Variants in PPP1R3D observed in about 807,000 individuals in gnomAD.
The protein encoded by PPP1R3D is protein phosphatase 1 regulatory subunit 3D, also known as PP1 subunit R6.
A neutral mutation model predicts 16.3 loss-of-function variants in PPP1R3D; 27 were observed. The observed-to-expected ratio is 1.66, with a 90% CI of 1.22 to 2.29. The LOEUF is 2.29. Among genes scored for constraint, PPP1R3D ranks in the 30% most tolerant of loss-of-function variants. The probability of loss-of-function intolerance (pLI) is 0.00; values close to 1 mark genes in which losing one functional copy is unlikely to be tolerated. For synonymous variants in PPP1R3D, 223 were observed against 209.7 expected, an observed-to-expected ratio of 1.06 and a Z score of -0.55; for missense variants, 472 against 438.3, an observed-to-expected ratio of 1.08 and a Z score of -0.69.
rs562273810 is a variant in PPP1R3D, at chr20:59,938,885, A to G, written c.*147T>C. On this transcript the variant is annotated 3_prime_UTR_variant, in exon 1 of 1. Transcript: ENST00000370996. ...TTTCAAGTAGAAGACAGGATGGGCC[A>G]CTGCCAGGGGACCTTGCAGCAGAAA... 2 of 716,326 alleles carry G rather than the reference A, an allele frequency of 2.8e-6. No individual in the cohort carries two copies. The highest frequency in any genetic ancestry group is 1.8e-5 in the African/African-American group (1 of 55,938). 44.4% of individuals were successfully genotyped at this position (716,326 alleles called of 1,614,324 possible).
chr20:59,939,208 C>T lies in PPP1R3D; in HGVS notation c.724G>A (p.Val242Ile). The T allele has an allele frequency of 1.2e-6, 2 of 1,610,548 alleles. No individual in the cohort carries two copies. Among genetic ancestry groups the T allele is most frequent in the Non-Finnish European group, 1.7e-6 (2 of 1,177,854 alleles). ...TEDVFTFGFP[V>I]PPFLLELGSR... The stretch of plus-strand genomic sequence containing the variant: ...CCGAGCTCCAGCAGGAAGGGCGGTA[C>T]TGGAAAGCCGAAGGTGAAAACGTCC... Residue 242 changes from valine (V) to isoleucine (I), a missense_variant, in exon 1 of 1, where the codon GTA becomes ATA. By Grantham distance (29) the Val-to-Ile change is conservative. Coordinates refer to ENST00000370996, the MANE Select transcript of PPP1R3D (RefSeq NM_006242.4).
chr20:59,938,981 AG>A lies in PPP1R3D; in HGVS notation c.*50del, dbSNP rs765255477. Reference sequence around the variant, plus strand: ...TGTGAGAGCCCAGCAGGGAAATGACAGGAGGCGCAGCTTAGGTGTGGAGGCT... The same window carrying A: ...TGTGAGAGCCCAGCAGGGAAATGACAGAGGCGCAGCTTAGGTGTGGAGGCT... On this transcript the variant is annotated 3_prime_UTR_variant, in exon 1 of 1. Coordinates refer to ENST00000370996, the MANE Select transcript of PPP1R3D (RefSeq NM_006242.4). The A allele has an allele frequency of 6.9e-7, 1 of 1,444,164 alleles. No individual in the cohort carries two copies. Among genetic ancestry groups the A allele is most frequent in the Non-Finnish European group, 9.1e-7 (1 of 1,098,126 alleles). The allele number at this position is 1,444,164 out of a possible 1,614,324, so 89.5% of individuals were successfully genotyped here. A position where few individuals can be genotyped will look rare whatever the true frequency, so the allele number is the denominator to read the frequency against.
Position 59,938,906 on chromosome 20 carries a change from A to T in PPP1R3D, c.*126T>A. 6.4e-6 allele frequency: 6 copies of T among 935,796 alleles called. No homozygotes were observed. The highest frequency in any genetic ancestry group is 7.4e-6 in the Non-Finnish European group (5 of 678,320). 58.0% of individuals were successfully genotyped at this position (935,796 alleles called of 1,614,324 possible). A position where few individuals can be genotyped will look rare whatever the true frequency, so the allele number is the denominator to read the frequency against. On this transcript the variant is annotated 3_prime_UTR_variant, in exon 1 of 1. Coordinates refer to ENST00000370996, the MANE Select transcript of PPP1R3D (RefSeq NM_006242.4). ...GGCCACTGCCAGGGGACCTTGCAGC[A>T]GAAAATTAGGTCAGAGGACTTGGAG...
rs1262329529 is a variant in PPP1R3D at position 59,939,730 on chromosome 20, T to C, written c.202A>G (p.Ile68Val). 2.0e-5 allele frequency: 25 copies of C among 1,256,064 alleles called. No individual in the cohort carries two copies. The highest frequency in any genetic ancestry group is 2.4e-5 in the Non-Finnish European group (24 of 1,003,126). The allele number at this position is 1,256,064 out of a possible 1,614,324, so 77.8% of individuals were successfully genotyped here. ...GGCAGTGAGCGCGCCCGCCGCAGGA[T>C]GATGGGCCGCAGGCGGGGGTCGCAG... ...SGCDPRLRPI[I>V]LRRARSLPSS... The change falls in exon 1 of 1, where the codon ATC (isoleucine) becomes GTC (valine). Residue 68 changes from isoleucine (I) to valine (V), a missense_variant. Coordinates refer to ENST00000370996, the MANE Select transcript of PPP1R3D (RefSeq NM_006242.4).
chr20:59,936,680 A>C lies in PPP1R3D; in HGVS notation c.*2352T>G, dbSNP rs2060864187. 1 of 152,360 alleles carries C rather than the reference A, an allele frequency of 6.6e-6. No individual in the cohort carries two copies. Among genetic ancestry groups the C allele is most frequent in the South Asian group, 2.1e-4 (1 of 4,826 alleles). The allele number at this position is 152,360 out of a possible 1,614,324, so 9.4% of individuals were successfully genotyped here. A position where few individuals can be genotyped will look rare whatever the true frequency, so the allele number is the denominator to read the frequency against. ...ACTGACGCTGAGGCACAATGACAAA[A>C]TTTATTTTTGCCAAGGCTCTACGTT... On this transcript the variant is annotated 3_prime_UTR_variant, in exon 1 of 1. Coordinates refer to ENST00000370996, the MANE Select transcript of PPP1R3D (RefSeq NM_006242.4).
rs1315207066 is a variant in PPP1R3D, at chr20:59,939,607, G to A, written c.325C>T (p.Leu109=). 6.3e-7 allele frequency: 1 copy of A among 1,592,848 alleles called. No individual in the cohort carries two copies. The highest frequency in any genetic ancestry group is 8.5e-7 in the Non-Finnish European group (1 of 1,171,066). The change falls in exon 1 of 1, where the codon CTG becomes TTG. Residue 109 remains leucine (L), a synonymous_variant. Transcript: ENST00000370996. ...TTGACCTGTGCCAGCTCCAAGCCCA[G>A]GGCGTCGGCGAAGCGCACGCGGAGC... The part of the protein sequence containing the change: ...QKLRVRFADA[L]GLELAQVKVF...
chr20:59,938,275 G>C lies in PPP1R3D; in HGVS notation c.*757C>G, dbSNP rs550305155. 1 of 152,252 alleles carries C rather than the reference G, an allele frequency of 6.6e-6. No homozygotes were observed. Among genetic ancestry groups the C allele is most frequent in the Non-Finnish European group, 1.5e-5 (1 of 68,050 alleles). The allele number at this position is 152,252 out of a possible 1,614,324, so 9.4% of individuals were successfully genotyped here. A position where few individuals can be genotyped will look rare whatever the true frequency, so the allele number is the denominator to read the frequency against. ...ACATGAAATCAGAATTGTGAATGCA[G>C]AGAAATAACTGTTTTGCTAGTTTAA... On this transcript the variant is annotated 3_prime_UTR_variant, in exon 1 of 1. Transcript: ENST00000370996.
At position 59,937,088 on chromosome 20, in the gene PPP1R3D, A is replaced by G. The variant is rs2060867114; in HGVS notation, c.*1944T>C. 1 of 152,644 alleles carries G rather than the reference A, an allele frequency of 6.6e-6. No individual in the cohort carries two copies. The highest frequency in any genetic ancestry group is 2.1e-4 in the South Asian group (1 of 4,830). 9.5% of individuals were successfully genotyped at this position (152,644 alleles called of 1,614,324 possible). A position where few individuals can be genotyped will look rare whatever the true frequency, so the allele number is the denominator to read the frequency against. ...TTAAAAGGCACGGGAGGTTCACTTAATATTAAATATATAACATTCACTTTC... is the reference window on the plus strand; with the variant it reads ...TTAAAAGGCACGGGAGGTTCACTTAGTATTAAATATATAACATTCACTTTC... On this transcript the variant is annotated 3_prime_UTR_variant, in exon 1 of 1. Coordinates refer to ENST00000370996, the MANE Select transcript of PPP1R3D (RefSeq NM_006242.4).
In PPP1R3D at chr20:59,939,995, T is replaced by G; in HGVS notation, c.-64A>C. 7.4e-6 allele frequency: 9 copies of G among 1,212,842 alleles called. No homozygotes were observed. The highest frequency in any genetic ancestry group is 9.4e-6 in the Non-Finnish European group (9 of 958,306). The allele number at this position is 1,212,842 out of a possible 1,614,324, so 75.1% of individuals were successfully genotyped here. On this transcript the variant is annotated 5_prime_UTR_variant, in exon 1 of 1. Coordinates refer to ENST00000370996, the MANE Select transcript of PPP1R3D (RefSeq NM_006242.4). ...GACGACCTCCCGACCCCGCGACAGC[T>G]CCCTCCGTGCTCAGAAGCCGCAGAG...
At position 59,940,043 on chromosome 20, in the gene PPP1R3D, C is replaced by CG. The variant is rs1257758803; in HGVS notation, c.-113dup. ...GAGAGTCCACCGTATCTGCAACCTG[C>CG]GGGGGACCTCTCGGGCCCGGTGCGC... On this transcript the variant is annotated 5_prime_UTR_variant, in exon 1 of 1. Coordinates refer to ENST00000370996, the MANE Select transcript of PPP1R3D (RefSeq NM_006242.4). The CG allele has an allele frequency of 7.5e-6, 7 of 938,378 alleles. No homozygotes were observed. The South Asian group carries it at 2.9e-4, about 38-fold the overall frequency. 58.1% of individuals were successfully genotyped at this position (938,378 alleles called of 1,614,324 possible). A position where few individuals can be genotyped will look rare whatever the true frequency, so the allele number is the denominator to read the frequency against.
In PPP1R3D at chr20:59,940,097, C is replaced by T; in HGVS notation, c.-166G>A. ...ACCCTTGGTTCGCCACCTTGCTCCT[C>T]GAGTCCTTGTCCAGGTCCTCCGCTT... is the stretch of plus-strand genomic sequence containing the variant. On this transcript the variant is annotated 5_prime_UTR_variant, in exon 1 of 1. Transcript: ENST00000370996. 1 of 462,956 alleles carries T rather than the reference C, an allele frequency of 2.2e-6. No homozygotes were observed. Among genetic ancestry groups the T allele is most frequent in the Non-Finnish European group, 3.7e-6 (1 of 273,348 alleles). 28.7% of individuals were successfully genotyped at this position (462,956 alleles called of 1,614,324 possible).
In PPP1R3D at chr20:59,940,305, T is replaced by A; in HGVS notation, c.-374A>T. ...CGGTCCGCGGCGTTACTTACAAGGCTGCAACTTGACCGGGTGCAACTTCCT... is the reference window on the plus strand; with the variant it reads ...CGGTCCGCGGCGTTACTTACAAGGCAGCAACTTGACCGGGTGCAACTTCCT... On this transcript the variant is annotated 5_prime_UTR_variant, in exon 1 of 1. Transcript: ENST00000370996. The A allele has an allele frequency of 5.8e-6, 1 of 172,240 alleles. No individual in the cohort carries two copies. Among genetic ancestry groups the A allele is most frequent in the Non-Finnish European group, 1.4e-5 (1 of 73,224 alleles). 10.7% of individuals were successfully genotyped at this position (172,240 alleles called of 1,614,324 possible). A position where few individuals can be genotyped will look rare whatever the true frequency, so the allele number is the denominator to read the frequency against.
chr20:59,939,532 G>T lies in PPP1R3D; in HGVS notation c.400C>A (p.Arg134=). ...DPSVPLHVLS[R]LAINSDLCCS... ...CACAGGTCCGAGTTGATTGCGAGCCGCGACAGCACGTGCAGCGGCACGGAC... is the reference window on the plus strand; with the variant it reads ...CACAGGTCCGAGTTGATTGCGAGCCTCGACAGCACGTGCAGCGGCACGGAC... The change falls in exon 1 of 1, where the codon CGG becomes AGG. Residue 134 remains arginine (R), a synonymous_variant. Transcript: ENST00000370996. The T allele has an allele frequency of 6.2e-7, 1 of 1,611,998 alleles. No individual in the cohort carries two copies. Among genetic ancestry groups the T allele is most frequent in the Non-Finnish European group, 8.5e-7 (1 of 1,179,624 alleles).
Position 59,939,656 on chromosome 20 carries a change from C to T in PPP1R3D, c.276G>A (p.Ala92=), listed in dbSNP as rs1730855190. The part of the protein sequence containing the change: ...RQKAAGAPGA[A]CRPGCSQKLR... The stretch of plus-strand genomic sequence containing the variant: ...GCTTCTGGCTGCAGCCCGGCCGACA[C>T]GCAGCGCCCGGCGCGCCCGCGGCCT... Residue 92 remains alanine, a synonymous_variant, in exon 1 of 1, where the codon GCG becomes GCA. Transcript: ENST00000370996. The T allele has an allele frequency of 4.6e-6, 7 of 1,508,472 alleles. No homozygotes were observed. The African/African-American group carries it at 7.2e-5, about 16-fold the overall frequency. 93.4% of individuals were successfully genotyped at this position (1,508,472 alleles called of 1,614,324 possible). A position where few individuals can be genotyped will look rare whatever the true frequency, so the allele number is the denominator to read the frequency against.
chr20:59,939,942 G>T lies in PPP1R3D; in HGVS notation c.-11C>A. 7.9e-7 allele frequency: 1 copy of T among 1,265,030 alleles called. No homozygotes were observed. Among genetic ancestry groups the T allele is most frequent in the African/African-American group, 1.5e-5 (1 of 65,114 alleles). The allele number at this position is 1,265,030 out of a possible 1,614,324, so 78.4% of individuals were successfully genotyped here. A position where few individuals can be genotyped will look rare whatever the true frequency, so the allele number is the denominator to read the frequency against. ...CGGGCCTCTGGACATGGCCCCGCCG[G>T]CCGTCGGAAGATGAGGCAGGGATGA... On this transcript the variant is annotated 5_prime_UTR_variant, in exon 1 of 1. Coordinates refer to ENST00000370996, the MANE Select transcript of PPP1R3D (RefSeq NM_006242.4).
At position 59,937,921 on chromosome 20, in the gene PPP1R3D, CATG is replaced by C. The variant is rs1453545344; in HGVS notation, c.*1108_*1110del. Reference sequence around the variant, plus strand: ...TAAAGTTGGTGGGTACCTGATAAAACATGATGTATGTAAATACAGTTCAAAACA... The same window carrying C: ...TAAAGTTGGTGGGTACCTGATAAAACATGTATGTAAATACAGTTCAAAACA... On this transcript the variant is annotated 3_prime_UTR_variant, in exon 1 of 1. Transcript: ENST00000370996. The C allele has an allele frequency of 6.6e-6, 1 of 152,230 alleles. No individual in the cohort carries two copies. Among genetic ancestry groups the C allele is most frequent in the African/African-American group, 2.4e-5 (1 of 41,456 alleles). 9.4% of individuals were successfully genotyped at this position (152,230 alleles called of 1,614,324 possible).
rs1355384382 is a variant in PPP1R3D, at chr20:59,939,936, C to A, written c.-5G>T. On this transcript the variant is annotated 5_prime_UTR_variant, in exon 1 of 1. Transcript: ENST00000370996. ...GGAGCTCGGGCCTCTGGACATGGCC[C>A]CGCCGGCCGTCGGAAGATGAGGCAG... 2 of 1,264,108 alleles carry A rather than the reference C, an allele frequency of 1.6e-6. No individual in the cohort carries two copies. The highest frequency in any genetic ancestry group is 3.1e-4 in the Middle Eastern group (1 of 3,266). The allele number at this position is 1,264,108 out of a possible 1,614,324, so 78.3% of individuals were successfully genotyped here.
chr20:59,939,668 C>A lies in PPP1R3D; in HGVS notation c.264G>T (p.Ala88=). ...AGCCCGGCCGACACGCAGCGCCCGG[C>A]GCGCCCGCGGCCTTCTGGCGGCGCT... ...SPERRQKAAG[A]PGAACRPGCS... is the part of the protein sequence containing the mutation. Residue 88 remains alanine, a synonymous_variant, in exon 1 of 1, where the codon GCG becomes GCT. Transcript: ENST00000370996. 1 of 1,474,522 alleles carries A rather than the reference C, an allele frequency of 6.8e-7. No individual in the cohort carries two copies. The highest frequency in any genetic ancestry group is 2.5e-5 in the Admixed American group (1 of 40,680). 91.3% of individuals were successfully genotyped at this position (1,474,522 alleles called of 1,614,324 possible).
chr20:59,938,777 A>G lies in PPP1R3D; in HGVS notation c.*255T>C. 2.9e-6 allele frequency: 1 copy of G among 349,852 alleles called. No individual in the cohort carries two copies. Among genetic ancestry groups the G allele is most frequent in the Non-Finnish European group, 5.1e-6 (1 of 195,690 alleles). 21.7% of individuals were successfully genotyped at this position (349,852 alleles called of 1,614,324 possible). A position where few individuals can be genotyped will look rare whatever the true frequency, so the allele number is the denominator to read the frequency against. ...AGAGGGCCCACCCTCCCATGCACCT[A>G]CCCCACCACCCTGCCCCAACTCATT... On this transcript the variant is annotated 3_prime_UTR_variant, in exon 1 of 1. Coordinates refer to ENST00000370996, the MANE Select transcript of PPP1R3D (RefSeq NM_006242.4).
Sources: allele counts gnomAD v4.1 joint callset, GRCh38; gene constraint gnomAD v4.1.1; transcripts MANE v1.5; gene names NCBI Gene and HGNC (gene_info 2026-07-23, HGNC 2026-07-21).